Variants in MTMR9 observed in about 807,000 individuals in gnomAD.
The protein encoded by MTMR9 is myotubularin related protein 9, also known as myotubularin-related protein 9.
A neutral mutation model predicts 69.5 loss-of-function variants in MTMR9; 39 were observed. The ratio of observed to expected loss-of-function variants is 0.56; its 90% CI spans 0.43 to 0.73. MTMR9 has a LOEUF of 0.73. Among genes scored for constraint, MTMR9 ranks in the 30% least tolerant of loss-of-function variants. The probability of loss-of-function intolerance (pLI) is 0.00; values close to 1 mark genes in which losing one functional copy is unlikely to be tolerated. For synonymous variants in MTMR9, 354 were observed against 240.8 expected (o/e 1.47, Z -4.35); for missense variants, 900 against 671.2 (o/e 1.34, Z -3.77).
Position 11,292,436 on chromosome 8 carries a change from C to T in MTMR9, c.183-2758C>T, listed in dbSNP as rs79099746. 3.9e-3 allele frequency among the ~76,000 whole-genome samples: 599 copies of T among 152,262 alleles called. 6 individuals are homozygous for T. Among genetic ancestry groups the T allele is most frequent in the African/African-American group, 0.014 (577 of 41,550 alleles). ...CAACTGTTTTCCAAAGTGCTTGTAC[C>T]TACAGTTCTACATACCTATGAGCAG... On this transcript the variant is annotated intron_variant, in intron 1 of 9. Coordinates refer to ENST00000221086, the MANE Select transcript of MTMR9 (RefSeq NM_015458.4).
chr8:11,317,095 T>G, intron 8 of MTMR9: 1 of 389,346 alleles, frequency 2.6e-6, no homozygotes, highest in Admixed American at 4.2e-5. Flanking sequence ...TTCTGTTAGG[T>G]TAAAATTAGT....
chr8:11,329,548 G>GC (rs1283136038), downstream of MTMR9, among the ~76,000 whole-genome samples: 1 of 152,238 alleles, frequency 6.6e-6, no homozygotes, highest in Admixed American at 6.5e-5. Flanking sequence ...GCTCCTAACC[G>GC]CGAGTGATCC....
At chr8:11,299,679 T>C (rs1799683061) in intron 2 of MTMR9, among the ~76,000 whole-genome samples, 1 of 152,328 alleles carries the variant, frequency 6.6e-6, no homozygotes, top group South Asian at 2.1e-4. Flanking sequence ...CAAAAACTGA[T>C]CCCCAGAAAT....
At chr8:11,291,575 A>G (rs1247528143) in intron 1 of MTMR9, among the ~76,000 whole-genome samples, 1 of 152,118 alleles carries the variant, frequency 6.6e-6, no homozygotes, top group Admixed American at 6.5e-5. Context: ...GTAACTGACT[A>G]GAAACATTGA....
intron 3 of MTMR9, among the ~76,000 whole-genome samples, chr8:11,301,453 G>A (rs1799745260): frequency 6.6e-6 from 1 of 152,194 alleles, no homozygotes; most frequent in Admixed American, 6.5e-5. Context: ...ATATCCATAT[G>A]TAAAAAAGAT....
intron 1 of MTMR9, among the ~76,000 whole-genome samples, chr8:11,287,686 A>T (rs1420129917): frequency 7.2e-6 from 1 of 138,916 alleles, no homozygotes; most frequent in Admixed American, 7.6e-5. Context: ...ATTTATATTT[A>T]TTATGTTTAT....
At chr8:11,294,624 C>A (rs999202338) in intron 1 of MTMR9, among the ~76,000 whole-genome samples, 1 of 149,884 alleles carries the variant, frequency 6.7e-6, no homozygotes, top group Non-Finnish European at 1.5e-5. Context: ...GCCTGAGCCT[C>A]CTGAGTAGCT....
chr8:11,289,486 G>T lies in MTMR9; in HGVS notation c.182+4416G>T, dbSNP rs1482056992. Among the ~76,000 whole-genome samples the T allele has an allele frequency of 4.1e-5, 6 of 147,388 alleles. No individual in the cohort carries two copies. In the South Asian group the frequency reaches 8.6e-4, roughly 21 times the overall value. On this transcript the variant is annotated intron_variant, in intron 1 of 9. Transcript: ENST00000221086. ...TATACAAGTTTTACAGTTATACCTGGTTTTTTTTTTAATGGACCTCAGAAA... is the reference window on the plus strand; with the variant it reads ...TATACAAGTTTTACAGTTATACCTGTTTTTTTTTTTAATGGACCTCAGAAA...
intron 7 of MTMR9, among the ~76,000 whole-genome samples, chr8:11,315,688 G>A (rs1020980631): frequency 1.3e-5 from 2 of 152,226 alleles, no homozygotes; most frequent in Admixed American, 1.3e-4. Context: ...GTTACAATTC[G>A]CATTTATCAT....
At position 11,325,808 on chromosome 8, in the gene MTMR9, A is replaced by G. The variant is rs1173389228; in HGVS notation, c.*3020A>G. The G allele has an allele frequency of 6.6e-6, 1 of 152,154 alleles. No homozygotes were observed. The highest frequency in any genetic ancestry group is 1.9e-4 in the East Asian group (1 of 5,196). The allele number at this position is 152,154 out of a possible 1,614,324, so 9.4% of individuals were successfully genotyped here. A position where few individuals can be genotyped will look rare whatever the true frequency, so the allele number is the denominator to read the frequency against. On this transcript the variant is annotated 3_prime_UTR_variant, in exon 10 of 10. Transcript: ENST00000221086. ...TTAAATGGGAAGAAAGCAAGCAGAAATAGTAAAATTCAGTAGGTTTAAAAC... is the reference window on the plus strand; with the variant it reads ...TTAAATGGGAAGAAAGCAAGCAGAAGTAGTAAAATTCAGTAGGTTTAAAAC...
chr8:11,338,886 C>T, the MTMR9 span, among the ~76,000 whole-genome samples: 1 of 152,110 alleles, frequency 6.6e-6, no homozygotes, highest in African/African-American at 2.4e-5. Context: ...GGTCATTTAC[C>T]AGAATAATTT....
chr8:11,303,494 A>T (rs1799826872), intron 3 of MTMR9, among the ~76,000 whole-genome samples: 1 of 152,112 alleles, frequency 6.6e-6, no homozygotes, highest in South Asian at 2.1e-4. Context: ...ACATTTTTTT[A>T]AAAATAATAA....
intron 8 of MTMR9, chr8:11,317,405 G>C (rs1800468484): frequency 6.6e-6 from 1 of 152,218 alleles, no homozygotes; most frequent in South Asian, 2.1e-4. Flanking sequence ...GGGTGAAACT[G>C]TTCCATGTCA....
rs1432437392 is a variant in MTMR9 at position 11,325,487 on chromosome 8, G to A, written c.*2699G>A. On this transcript the variant is annotated 3_prime_UTR_variant, in exon 10 of 10. Transcript: ENST00000221086. ...AGAGGGGCCGGTAATAATCACGTGAGGGATAATCAGATTCCTGCGTATTCA... is the reference window on the plus strand; with the variant it reads ...AGAGGGGCCGGTAATAATCACGTGAAGGATAATCAGATTCCTGCGTATTCA... The A allele has an allele frequency of 6.6e-6, 1 of 152,168 alleles. No individual in the cohort carries two copies. Among genetic ancestry groups the A allele is most frequent in the Non-Finnish European group, 1.5e-5 (1 of 68,030 alleles). The allele number at this position is 152,168 out of a possible 1,614,324, so 9.4% of individuals were successfully genotyped here. A position where few individuals can be genotyped will look rare whatever the true frequency, so the allele number is the denominator to read the frequency against.
At chr8:11,289,405 A>G (rs1799302039) in intron 1 of MTMR9, among the ~76,000 whole-genome samples, 1 of 152,162 alleles carries the variant, frequency 6.6e-6, no homozygotes, top group Non-Finnish European at 1.5e-5. Flanking sequence ...TCTGTGGAAT[A>G]CTTTCATATA....
chr8:11,292,637 CTT>C (rs986940484), intron 1 of MTMR9, among the ~76,000 whole-genome samples: 1 of 151,870 alleles, frequency 6.6e-6, no homozygotes, highest in Non-Finnish European at 1.5e-5. Flanking sequence ...ATCCATATGT[CTT>C]TTTTTTGCTA....
downstream of MTMR9, among the ~76,000 whole-genome samples, chr8:11,328,561 G>A (rs1200802712): frequency 6.6e-6 from 1 of 152,104 alleles, no homozygotes; most frequent in Non-Finnish European, 1.5e-5. Context: ...AGAGTAGAAT[G>A]CCAGCTATTA....
intron 8 of MTMR9, chr8:11,318,148 C>T (rs1800508607): frequency 6.6e-6 from 1 of 152,058 alleles, no homozygotes; most frequent in Admixed American, 6.6e-5. Flanking sequence ...TGTTAATATC[C>T]TCAGGACTAG....
intron 1 of MTMR9, among the ~76,000 whole-genome samples, chr8:11,294,622 C>T (rs943342936): frequency 1.3e-4 from 19 of 150,276 alleles, no homozygotes; most frequent in Non-Finnish European, 2.5e-4. Flanking sequence ...TTGCCTGAGC[C>T]TCCTGAGTAG....
Sources: gnomAD v4.1 joint callset for allele counts (sites outside exome capture counted in the v4.1 genomes callset) on GRCh38, gnomAD v4.1.1 for gene constraint, MANE v1.5 for transcripts, NCBI Gene and HGNC (gene_info 2026-07-23, HGNC 2026-07-21) for gene names.